Variants in ELAVL2 observed in about 807,000 individuals in gnomAD.
The protein encoded by ELAVL2 is ELAV-like protein 2.
ELAVL2 carries 4 observed loss-of-function variants against 34.6 expected under a neutral mutation model. That is an observed-to-expected ratio of 0.12 (90% CI 0.06 to 0.26). The LOEUF is 0.26. Among genes scored for constraint, ELAVL2 ranks in the 10% least tolerant of loss-of-function variants. The probability of loss-of-function intolerance (pLI) is 1.00; values close to 1 mark genes in which losing one functional copy is unlikely to be tolerated. For missense variants in ELAVL2, 432 were observed against 442.8 expected, an observed-to-expected ratio of 0.98 and a Z score of 0.22; for synonymous variants, 193 against 154.8, an observed-to-expected ratio of 1.25 and a Z score of -1.83.
intron 1 of ELAVL2, among the ~76,000 whole-genome samples, chr9:23,786,798 A>C (rs950508413): frequency 2.7e-5 from 4 of 150,038 alleles, no homozygotes; most frequent in African/African-American, 9.8e-5. Context: ...AAAAAAAAAA[A>C]AAAAAGAGAG....
At chr9:23,726,937 G>C (rs1018256995) in intron 3 of ELAVL2, among the ~76,000 whole-genome samples, 1 of 151,948 alleles carries the variant, frequency 6.6e-6, no homozygotes, top group Non-Finnish European at 1.5e-5. Context: ...TTCCTTTAGG[G>C]ACCTGAAGGA....
intron 1 of ELAVL2, among the ~76,000 whole-genome samples, chr9:23,770,818 T>C (rs1254621420): frequency 1.3e-5 from 2 of 152,184 alleles, no homozygotes; most frequent in East Asian, 3.9e-4. Flanking sequence ...TAAAGTAATT[T>C]GTTAGAGGTC....
At chr9:23,804,629 G>A (rs1252041617) in intron 1 of ELAVL2, among the ~76,000 whole-genome samples, 1 of 152,130 alleles carries the variant, frequency 6.6e-6, no homozygotes, top group East Asian at 1.9e-4. Context: ...GAAATTGCTG[G>A]TTTGTAGTCT....
At chr9:23,829,345 G>C (rs1376880393), upstream of ELAVL2, among the ~76,000 whole-genome samples, 11 of 152,150 alleles carry the variant, frequency 7.2e-5, no homozygotes, top group Admixed American at 7.2e-4. Flanking sequence ...ATGTCTTTTA[G>C]GATAAATAAC....
chr9:23,696,912 A>T (rs1031907753), intron 5 of ELAVL2, among the ~76,000 whole-genome samples: 12 of 151,666 alleles, frequency 7.9e-5, no homozygotes, highest in African/African-American at 2.9e-4. Flanking sequence ...CATTAAATAT[A>T]TATTTAAAAT....
intron 3 of ELAVL2, among the ~76,000 whole-genome samples, chr9:23,714,104 T>C (rs1286503516): frequency 6.6e-6 from 1 of 152,236 alleles, no homozygotes; most frequent in South Asian, 2.1e-4. Flanking sequence ...ACAATTCAGA[T>C]AATGATAGCT....
chr9:23,849,481 C>T, the ELAVL2 span: 20 of 152,308 alleles, frequency 1.3e-4, no homozygotes, highest in East Asian at 3.7e-3. Context: ...GTTGTAGTAG[C>T]TGAGGATGAC....
rs550881689 is a variant in ELAVL2 at position 23,820,926 on chromosome 9, G to T, written c.-16+4880C>A. 2.0e-5 allele frequency among the ~76,000 whole-genome samples: 3 copies of T among 152,232 alleles called. No individual in the cohort carries two copies. The East Asian group carries it at 5.8e-4, about 30-fold the overall frequency. On this transcript the variant is annotated intron_variant, in intron 1 of 6. Transcript: ENST00000397312. ...AGCTGCGACCTCGCGCGGCTGCGACGGGCCTCACCTAACGCGCACGAGGGG... is the reference window on the plus strand; with the variant it reads ...AGCTGCGACCTCGCGCGGCTGCGACTGGCCTCACCTAACGCGCACGAGGGG...
the ELAVL2 span, among the ~76,000 whole-genome samples, chr9:23,836,799 T>C: frequency 6.6e-6 from 1 of 152,022 alleles, no homozygotes; most frequent in African/African-American, 2.4e-5. Context: ...GGAAATCAGG[T>C]TGGTTGGGTA....
At chr9:23,716,963 G>C (rs925676683) in intron 3 of ELAVL2, among the ~76,000 whole-genome samples, 1 of 152,182 alleles carries the variant, frequency 6.6e-6, no homozygotes, top group African/African-American at 2.4e-5. Flanking sequence ...ATGAGCAGAG[G>C]AATGACAATC....
Position 23,777,757 on chromosome 9 carries a change from C to A in ELAVL2, c.-15-15508G>T, listed in dbSNP as rs553443468. On this transcript the variant is annotated intron_variant, in intron 1 of 6. Coordinates refer to ENST00000397312, the MANE Select transcript of ELAVL2 (RefSeq NM_004432.5). ...TTAAGGAAGAACAACTGCTCTGCAT[C>A]GCTGGCTACCAAGACAGCAGTTAGT... Among the ~76,000 whole-genome samples the A allele has an allele frequency of 2.6e-5, 4 of 152,178 alleles. No individual in the cohort carries two copies. In the South Asian group the frequency reaches 6.2e-4, roughly 24 times the overall value.
intron 1 of ELAVL2, among the ~76,000 whole-genome samples, chr9:23,781,017 G>A (rs1305667493): frequency 1.3e-5 from 2 of 152,114 alleles, no homozygotes; most frequent in Non-Finnish European, 2.9e-5. Flanking sequence ...AATCACTGCT[G>A]GTCCTAAATC....
chr9:23,754,372 A>T (rs968520028), intron 2 of ELAVL2, among the ~76,000 whole-genome samples: 5 of 152,190 alleles, frequency 3.3e-5, no homozygotes, highest in African/African-American at 1.2e-4. Flanking sequence ...AAGAGATGTT[A>T]ACTGGGAATT....
chr9:23,780,288 G>T (rs13301242), intron 1 of ELAVL2, among the ~76,000 whole-genome samples: 1 of 152,180 alleles, frequency 6.6e-6, no homozygotes, highest in Non-Finnish European at 1.5e-5. Context: ...TCTAACAACA[G>T]AGAATTTTCT....
intron 3 of ELAVL2, among the ~76,000 whole-genome samples, chr9:23,710,583 T>G (rs1044312082): frequency 6.6e-6 from 1 of 152,218 alleles, no homozygotes; most frequent in African/African-American, 2.4e-5. Context: ...CTTTTATCAC[T>G]TGTCAATTAC....
chr9:23,750,898 CTCTCAGGCTCCAGTGACCT>C, intron 2 of ELAVL2, among the ~76,000 whole-genome samples: 1 of 152,166 alleles, frequency 6.6e-6, no homozygotes, highest in Non-Finnish European at 1.5e-5. Context: ...TAAAACTGTT[CTCTCAGGCTCCAGTGACCT>C]TAAAAACAGT....
chr9:23,824,196 T>C (rs1302055310), intron 1 of ELAVL2, among the ~76,000 whole-genome samples: 1 of 152,186 alleles, frequency 6.6e-6, no homozygotes, highest in Non-Finnish European at 1.5e-5. Flanking sequence ...TGCTAACCGG[T>C]ACTTGAAAAT....
chr9:23,762,024 C>T lies in ELAVL2; in HGVS notation c.211G>A (p.Val71Ile). 1.2e-6 allele frequency: 2 copies of T among 1,612,358 alleles called. No homozygotes were observed. The highest frequency in any genetic ancestry group is 8.5e-7 in the Non-Finnish European group (1 of 1,179,052). The change falls in exon 2 of 7, where the codon GTA becomes ATA. Residue 71 changes from valine to isoleucine, a missense_variant. Val to Ile is a conservative substitution (Grantham distance 29). Around this residue, in one of 3 missense-constraint regions of ELAVL2, gnomAD observed 132 missense variants for 118.3 expected, o/e 1.12. Transcript: ENST00000397312. ...SIGEIESCKL[V>I]RDKITGQSLG... ...TGCTTACCTGTTATTTTGTCTCTTACAAGCTTACAGGACTCTATTTCACCA... is the reference window on the plus strand; with the variant it reads ...TGCTTACCTGTTATTTTGTCTCTTATAAGCTTACAGGACTCTATTTCACCA...
intron 2 of ELAVL2, among the ~76,000 whole-genome samples, chr9:23,750,509 T>C (rs2051677852): frequency 6.6e-6 from 1 of 152,154 alleles, no homozygotes; most frequent in Non-Finnish European, 1.5e-5. Context: ...ATCATTCTAC[T>C]TGAGAAGGTA....
Sources: allele counts gnomAD v4.1 joint callset (sites outside exome capture counted in the v4.1 genomes callset), GRCh38; gene constraint gnomAD v4.1.1; regional missense constraint gnomAD v4.1.1; transcripts MANE v1.5; gene names NCBI Gene and HGNC (gene_info 2026-07-23, HGNC 2026-07-21).